Variants in SLC35F3 observed in about 807,000 individuals in gnomAD.
SLC35F3 encodes the protein putative thiamine transporter SLC35F3.
Under a neutral mutation model 49.9 loss-of-function variants are expected in SLC35F3, and 25 were observed. The ratio of observed to expected loss-of-function variants is 0.50; its 90% confidence interval spans 0.37 to 0.70. The LOEUF (loss-of-function observed/expected upper bound fraction) is 0.70. Ranked by LOEUF, SLC35F3 falls within the 30% of genes least tolerant of loss-of-function variation. The pLI is 0.00. For missense variants in SLC35F3, 525 were observed against 639.8 expected, an observed-to-expected ratio of 0.82 and a Z score of 1.94; for synonymous variants, 275 against 265.4, an observed-to-expected ratio of 1.04 and a Z score of -0.35.
rs181304565 is a variant in SLC35F3, at chr1:234,108,472, G to A, written c.284-122945G>A. Among the ~76,000 whole-genome samples, 445 of 69,016 alleles carry A rather than the reference G, an allele frequency of 6.4e-3. 9 individuals are homozygous for A. The highest frequency in any genetic ancestry group is 0.019 in the African/African-American group (423 of 22,750). 45.3% of individuals were successfully genotyped at this position (69,016 alleles called of 152,430 possible). ...ATATATATTATTTATATATATAAAA[G>A]ATATATATATAAAAGATATATATTA... On this transcript the variant is annotated intron_variant, in intron 2 of 7. Transcript: ENST00000366618.
intron 6 of SLC35F3, among the ~76,000 whole-genome samples, chr1:234,319,599 G>T (rs1262121616): frequency 6.6e-6 from 1 of 152,146 alleles, no homozygotes; most frequent in African/African-American, 2.4e-5. Context: ...CTACTCAGGA[G>T]GCTGAAGTGG....
intron 3 of SLC35F3, among the ~76,000 whole-genome samples, chr1:234,298,758 G>A (rs975213221): frequency 6.6e-6 from 1 of 152,184 alleles, no homozygotes; most frequent in Non-Finnish European, 1.5e-5. Context: ...AAATTTAGCA[G>A]CTTAAATAAA....
chr1:234,065,975 G>C (rs976171676), intron 2 of SLC35F3, among the ~76,000 whole-genome samples: 9 of 152,326 alleles, frequency 5.9e-5, no homozygotes, highest in Admixed American at 4.6e-4. Flanking sequence ...GCCCTTCGCT[G>C]GTCCGGAGGC....
chr1:234,098,337 T>TGTTGG (rs1665158451), intron 2 of SLC35F3, among the ~76,000 whole-genome samples: 1 of 110,338 alleles, frequency 9.1e-6, no homozygotes, highest in Non-Finnish European at 1.9e-5. Context: ...GGTGATTGTG[T>TGTTGG]TGGTGGTGGT....
At chr1:234,192,225 C>T (rs1666741940) in intron 2 of SLC35F3, among the ~76,000 whole-genome samples, 2 of 152,068 alleles carry the variant, frequency 1.3e-5, no homozygotes, top group South Asian at 4.1e-4. Flanking sequence ...GAACCAAATC[C>T]AACAGCATAT....
intron 2 of SLC35F3, among the ~76,000 whole-genome samples, chr1:234,130,656 G>A (rs6671517): frequency 0.45 from 64,131 of 142,254 alleles, 15,957 homozygotes; most frequent in Non-Finnish European, 0.56. Context: ...AAAAAAAAAA[G>A]AAAGACCTCT....
intron 2 of SLC35F3, among the ~76,000 whole-genome samples, chr1:233,986,200 T>G (rs1663263921): frequency 6.6e-6 from 1 of 152,222 alleles, no homozygotes; most frequent in Admixed American, 6.5e-5. Context: ...TTAGTCTGTT[T>G]TTGCATTTCT....
In SLC35F3 at chr1:234,021,105, A is replaced by G. The variant is rs182833793; in HGVS notation, c.283+115347A>G. Among the ~76,000 whole-genome samples the G allele has an allele frequency of 1.8e-3, 272 of 152,272 alleles. 1 individual carries two copies. Among genetic ancestry groups the G allele is most frequent in the African/African-American group, 6.0e-3 (251 of 41,544 alleles). On this transcript the variant is annotated intron_variant, in intron 2 of 7. Transcript: ENST00000366618. Reference sequence around the variant, plus strand: ...GATGCATCAGACCACCTACCCTAAAAGGCAGAACAGATCTTGCACACGTCT... The same window carrying G: ...GATGCATCAGACCACCTACCCTAAAGGGCAGAACAGATCTTGCACACGTCT...
intron 2 of SLC35F3, among the ~76,000 whole-genome samples, chr1:234,052,195 G>A (rs1210227185): frequency 6.6e-6 from 1 of 152,058 alleles, no homozygotes; most frequent in Non-Finnish European, 1.5e-5. Flanking sequence ...CTATTGATTG[G>A]AAGTTTCAGA....
chr1:234,244,354 G>A (rs967666275), intron 3 of SLC35F3, among the ~76,000 whole-genome samples: 1 of 152,172 alleles, frequency 6.6e-6, no homozygotes, highest in African/African-American at 2.4e-5. Flanking sequence ...ACAGTGCCCG[G>A]TGGGGTGCTG....
chr1:233,904,825 G>C lies in SLC35F3; in HGVS notation c.-253G>C. 5.4e-6 allele frequency: 1 copy of C among 186,276 alleles called. No homozygotes were observed. 11.5% of individuals were successfully genotyped at this position (186,276 alleles called of 1,614,324 possible). ...GCGGCGCTGCCTCGGCTGCCGGGTC[G>C]TTGCGGCGAGCGCGCGGGCCGGCCT... On this transcript the variant is annotated 5_prime_UTR_variant, in exon 1 of 8. Coordinates refer to ENST00000366618, the MANE Select transcript of SLC35F3 (RefSeq NM_173508.4).
intron 2 of SLC35F3, among the ~76,000 whole-genome samples, chr1:233,998,818 A>G (rs1273688409): frequency 6.6e-6 from 1 of 152,148 alleles, no homozygotes; most frequent in African/African-American, 2.4e-5. Context: ...GATAGTGGGA[A>G]ATAGAGGATT....
chr1:234,105,152 C>T (rs1359535694), intron 2 of SLC35F3, among the ~76,000 whole-genome samples: 1 of 149,272 alleles, frequency 6.7e-6, no homozygotes, highest in Non-Finnish European at 1.5e-5. Flanking sequence ...AACCTTTGGG[C>T]TCCAACCCTC....
At chr1:234,248,046 G>C (rs1667670227) in intron 3 of SLC35F3, among the ~76,000 whole-genome samples, 2 of 151,880 alleles carry the variant, frequency 1.3e-5, no homozygotes, top group Admixed American at 6.5e-5. Flanking sequence ...TTGGTAGGTT[G>C]AATGGCTGGT....
At chr1:233,906,675 AC>A in intron 2 of SLC35F3, among the ~76,000 whole-genome samples, 2 of 152,194 alleles carry the variant, frequency 1.3e-5, no homozygotes, top group African/African-American at 4.8e-5. Context: ...GTTTTTTTCG[AC>A]CTTTTATTGC....
chr1:234,235,777 T>C (rs4027081), intron 3 of SLC35F3, among the ~76,000 whole-genome samples: 68,435 of 152,044 alleles, frequency 0.45, 16,000 homozygotes, highest in African/African-American at 0.56. Flanking sequence ...TGAGCAACAG[T>C]AGAGCCAAGA....
chr1:234,049,482 G>A (rs1380484361), intron 2 of SLC35F3, among the ~76,000 whole-genome samples: 1 of 152,066 alleles, frequency 6.6e-6, no homozygotes, highest in Non-Finnish European at 1.5e-5. Context: ...AATTCCCAAA[G>A]AAACCAAATT....
Position 234,024,256 on chromosome 1 carries a change from G to C in SLC35F3, c.283+118498G>C, listed in dbSNP as rs574902526. 3.3e-3 allele frequency among the ~76,000 whole-genome samples: 495 copies of C among 151,798 alleles called. 5 individuals are homozygous for C. The highest frequency in any genetic ancestry group is 5.1e-3 in the Non-Finnish European group (347 of 67,954). ...AGCACTAGGCATTAGAGGAACTGAA[G>C]ATAATTCAGTTTGGCTGGAGCAGAG... On this transcript the variant is annotated intron_variant, in intron 2 of 7. Coordinates refer to ENST00000366618, the MANE Select transcript of SLC35F3 (RefSeq NM_173508.4).
chr1:234,029,335 A>G (rs1021964252), intron 2 of SLC35F3, among the ~76,000 whole-genome samples: 2 of 152,196 alleles, frequency 1.3e-5, no homozygotes, highest in Non-Finnish European at 2.9e-5. Flanking sequence ...ATTCCCGCAG[A>G]TGGCACAGGC....
Sources: allele counts gnomAD v4.1 joint callset (sites outside exome capture counted in the v4.1 genomes callset), GRCh38; gene constraint gnomAD v4.1.1; transcripts MANE v1.5; gene names NCBI Gene and HGNC (gene_info 2026-07-23, HGNC 2026-07-21).